Variants in TRMT61B observed in about 807,000 individuals in gnomAD.
The protein encoded by TRMT61B is tRNA methyltransferase 61B, also known as tRNA (adenine(58)-N(1))-methyltransferase, mitochondrial.
TRMT61B carries 56 observed loss-of-function variants against 52.0 expected under a neutral mutation model. The observed-to-expected ratio is 1.08, with a 90% CI of 0.87 to 1.35. TRMT61B has a LOEUF of 1.35. Ranked by LOEUF, TRMT61B falls within the 40% of genes most tolerant of loss-of-function variation. The pLI is 0.00. For missense variants in TRMT61B, 650 were observed against 577.9 expected (o/e 1.12, Z -1.28); for synonymous variants, 206 against 220.0 (o/e 0.94, Z 0.56).
chr2:28,869,440 T>C (rs962388575), intron 1 of TRMT61B, 139 bp downstream of exon 1: 32 of 611,288 alleles, frequency 5.2e-5, no homozygotes, highest in African/African-American at 4.6e-4. Context: ...GTTATAACCA[T>C]TGGTTTATTT....
At chr2:28,869,528 C>T (rs753963809) in intron 1 of TRMT61B, 51 bp downstream of exon 1, 2 of 1,292,836 alleles carry the variant, frequency 1.5e-6, no homozygotes, top group Non-Finnish European at 2.2e-6. Flanking sequence ...AGTACTGCAT[C>T]TGTCTTTGCC....
Position 28,850,201 on chromosome 2 carries a change from A to C in TRMT61B, c.1432T>G (p.Ter478GlyextTer21), listed in dbSNP as rs1311730154. ...KLRKVKPQLN[*>G] Reference sequence around the variant, plus strand: ...TCAGTTACTGTCATCTGGAGTACTCAGTTAAGTTGTGGTTTGACCTTCCTC... The same window carrying C: ...TCAGTTACTGTCATCTGGAGTACTCCGTTAAGTTGTGGTTTGACCTTCCTC... Residue 478 changes from the stop codon to glycine (G), a stop_lost, in exon 7 of 7, where the codon TGA becomes GGA. Transcript: ENST00000306108. 1 of 1,611,164 alleles carries C rather than the reference A, an allele frequency of 6.2e-7. No individual in the cohort carries two copies. Among genetic ancestry groups the C allele is most frequent in the South Asian group, 1.1e-5 (1 of 90,570 alleles).
intron 1 of TRMT61B, among the ~76,000 whole-genome samples, chr2:28,866,685 A>G (rs1669863768): frequency 1.3e-5 from 2 of 152,240 alleles, no homozygotes; most frequent in African/African-American, 2.4e-5. Flanking sequence ...TAAGAAAAAA[A>G]AGAGACTATG....
Position 28,870,109 on chromosome 2 carries a change from C to T in TRMT61B, c.169G>A (p.Ala57Thr), listed in dbSNP as rs747258188. Residue 57 changes from alanine to threonine, a missense_variant, in exon 1 of 7, where the codon GCA (alanine) becomes ACA (threonine). Ala to Thr is a moderately conservative substitution (Grantham distance 58). Transcript: ENST00000306108. The stretch of plus-strand genomic sequence containing the variant: ...TCTGCTCCTGGGGCTTTCCTTTGTG[C>T]CGCCTCGTGCTCTCTTTCTCCATCT... The part of the protein sequence containing the change: ...LRDGEREHEA[A>T]QRKAPGAESC... 18 of 1,613,846 alleles carry T rather than the reference C, an allele frequency of 1.1e-5. No homozygotes were observed. Among genetic ancestry groups the T allele is most frequent in the Non-Finnish European group, 1.4e-5 (17 of 1,180,020 alleles).
chr2:28,851,353 T>C, intron 4 of TRMT61B, 55 bp from the exon 5 acceptor site: 1 of 1,256,200 alleles, frequency 8.0e-7, no homozygotes, highest in Non-Finnish European at 1.1e-6. Flanking sequence ...ATTATATTTA[T>C]TTAAGTTCCC....
At chr2:28,869,174 T>A (rs1219497418) in intron 1 of TRMT61B, among the ~76,000 whole-genome samples, 1 of 152,228 alleles carries the variant, frequency 6.6e-6, no homozygotes, top group Non-Finnish European at 1.5e-5. Context: ...ACATGATTAT[T>A]GAATATTAAA....
Position 28,870,011 on chromosome 2 carries a change from T to C in TRMT61B, c.267A>G (p.Arg89=). 1 of 1,613,732 alleles carries C rather than the reference T, an allele frequency of 6.2e-7. No homozygotes were observed. The highest frequency in any genetic ancestry group is 1.1e-5 in the South Asian group (1 of 91,086). The change falls in exon 1 of 7, where the codon AGA becomes AGG. Residue 89 remains arginine (R), a synonymous_variant. Coordinates refer to ENST00000306108, the MANE Select transcript of TRMT61B (RefSeq NM_017910.4). ...TGCLSSLENL[R]LPTLREESSP... ...ATGACTCTTCCCGCAGCGTCGGCAG[T>C]CTGAGGTTTTCCAGTGACGAAAGAC...
intron 3 of TRMT61B, among the ~76,000 whole-genome samples, chr2:28,859,544 CAACTAT>C (rs1444719797): frequency 6.6e-6 from 1 of 151,968 alleles, no homozygotes; most frequent in Non-Finnish European, 1.5e-5. Context: ...TTATGAACAC[CAACTAT>C]AATTCTTTGG....
chr2:28,853,076 T>C (rs903134095), intron 3 of TRMT61B, among the ~76,000 whole-genome samples: 15 of 152,180 alleles, frequency 9.9e-5, no homozygotes, highest in African/African-American at 3.1e-4. Context: ...TATATGAATA[T>C]AACCAAAGAA....
chr2:28,861,274 T>C lies in TRMT61B; in HGVS notation c.837A>G (p.Val279=). Reference sequence around the variant, plus strand: ...TAGCCAGATCATGGTGGTCTTTTCGTACCTCAAAACTTATGACTCGTCCTT... The same window carrying C: ...TAGCCAGATCATGGTGGTCTTTTCGCACCTCAAAACTTATGACTCGTCCTT... ...GSQGRVISFE[V]RKDHHDLAKK... The change falls in exon 3 of 7, where the codon GTA becomes GTG. Residue 279 remains valine (V), a synonymous_variant. Transcript: ENST00000306108. 1.2e-6 allele frequency: 2 copies of C among 1,607,474 alleles called. No homozygotes were observed. The highest frequency in any genetic ancestry group is 1.7e-6 in the Non-Finnish European group (2 of 1,178,210).
At position 28,869,662 on chromosome 2, in the gene TRMT61B, C is replaced by A. The variant is rs149975108; in HGVS notation, c.616G>T (p.Gly206Cys). ...GGCCTCCTCAGCATGTACTGCTTAC[C>A]GAAGGAACTCCTCAGTATCTGGCCG... ...FPGQILRSSFGKQYMLRRPAL... is the reference protein window; with the variant it reads ...FPGQILRSSFCKQYMLRRPAL... Residue 206 changes from glycine (G) to cysteine (C), a missense_variant, in exon 1 of 7, where the codon GGT becomes TGT. By Grantham distance (159) the Gly-to-Cys change is radical. Coordinates refer to ENST00000306108, the MANE Select transcript of TRMT61B (RefSeq NM_017910.4). The A allele has an allele frequency of 2.5e-6, 4 of 1,614,034 alleles. No homozygotes were observed. In the South Asian group the frequency reaches 4.4e-5, roughly 18 times the overall value.
At chr2:28,854,672 G>A (rs1399731153) in intron 3 of TRMT61B, among the ~76,000 whole-genome samples, 4 of 150,662 alleles carry the variant, frequency 2.7e-5, no homozygotes, top group South Asian at 2.1e-4. Context: ...CCCAGGAGGC[G>A]GAGTTGCAGT....
At chr2:28,851,923 A>T (rs1034007811) in intron 4 of TRMT61B, among the ~76,000 whole-genome samples, 1 of 151,490 alleles carries the variant, frequency 6.6e-6, no homozygotes, top group East Asian at 1.9e-4. Context: ...TAAAAAAAAA[A>T]AACACTAAAT....
chr2:28,852,516 G>GAGA lies in TRMT61B; in HGVS notation c.994-20_994-18dup. ...CAAAGCTACCTGTGTGGGGGAAAAA[G>GAGA]AGAACTGGATCAGTCTGATTCCGTT... On this transcript the variant is annotated splice_polypyrimidine_tract_variant and intron_variant, in intron 3 of 6. Coordinates refer to ENST00000306108, the MANE Select transcript of TRMT61B (RefSeq NM_017910.4). 6.6e-7 allele frequency: 1 copy of GAGA among 1,525,476 alleles called. No individual in the cohort carries two copies. Among genetic ancestry groups the GAGA allele is most frequent in the Non-Finnish European group, 9.0e-7 (1 of 1,107,574 alleles). 94.5% of individuals were successfully genotyped at this position (1,525,476 alleles called of 1,614,324 possible).
chr2:28,859,234 C>G (rs1389937189), intron 3 of TRMT61B, among the ~76,000 whole-genome samples: 1 of 152,138 alleles, frequency 6.6e-6, no homozygotes, highest in African/African-American at 2.4e-5. Context: ...CACCCGCCAC[C>G]ACGCCCGGCT....
chr2:28,866,871 C>T (rs1017014153), intron 1 of TRMT61B, among the ~76,000 whole-genome samples: 2 of 152,124 alleles, frequency 1.3e-5, no homozygotes, highest in East Asian at 1.9e-4. Context: ...TAGTAGCTCA[C>T]GGCAGCCTCG....
chr2:28,849,861 CATCA>C lies in TRMT61B; in HGVS notation c.*334_*337del. The C allele has an allele frequency of 6.4e-7, 1 of 1,560,016 alleles. No individual in the cohort carries two copies. Among genetic ancestry groups the C allele is most frequent in the South Asian group, 1.2e-5 (1 of 84,452 alleles). On this transcript the variant is annotated 3_prime_UTR_variant, in exon 7 of 7. Transcript: ENST00000306108. ...ATATTTTATTTCAGTAGTCAATGAC[CATCA>C]ATCAAATAAAGGAAAGAAAACTAAT...
At chr2:28,855,153 G>A (rs1241520098) in intron 3 of TRMT61B, among the ~76,000 whole-genome samples, 2 of 152,180 alleles carry the variant, frequency 1.3e-5, no homozygotes, top group African/African-American at 2.4e-5. Context: ...TGTCACTGCA[G>A]TGGAGATAAA....
chr2:28,858,794 CAAAAAAAAAAAA>C (rs1033258916), intron 3 of TRMT61B, among the ~76,000 whole-genome samples: 26 of 23,588 alleles, frequency 1.1e-3, no homozygotes, highest in South Asian at 3.1e-3. Context: ...GACTCCGTCT[CAAAAAAAAAAAA>C]AAAAAAAAAA....
Sources: allele counts gnomAD v4.1 joint callset (sites outside exome capture counted in the v4.1 genomes callset), GRCh38; gene constraint gnomAD v4.1.1; transcripts MANE v1.5; gene names NCBI Gene and HGNC (gene_info 2026-07-23, HGNC 2026-07-21).